The following RADX variants were observed in gnomAD, a reference collection of about 807,000 sequenced individuals.
RADX encodes the protein RPA1 related single stranded DNA binding protein, X-linked.
Under a neutral mutation model 61.6 loss-of-function variants are expected in RADX, and 36 were observed. That is an observed-to-expected ratio of 0.58 (90% CI 0.45 to 0.77). The LOEUF is 0.77. Ranked by LOEUF, RADX falls within the 30% of genes least tolerant of loss-of-function variation. The probability of loss-of-function intolerance (pLI) is 0.00; values close to 1 mark genes in which losing one functional copy is unlikely to be tolerated. For synonymous variants in RADX, 272 were observed against 237.9 expected, an observed-to-expected ratio of 1.14 and a Z score of -1.32; for missense variants, 497 against 651.1, an observed-to-expected ratio of 0.76 and a Z score of 2.58.
intron 4 of RADX, 41 bp from the exon 5 acceptor site, chrX:106,632,891 T>C: frequency 9.1e-7 from 1 of 1,094,510 alleles, no homozygotes; most frequent in Non-Finnish European, 1.3e-6. Flanking sequence ...TTTTTCACTG[T>C]TTAAAAATAA....
chrX:106,651,946 C>G (rs939505246), intron 11 of RADX, among the ~76,000 whole-genome samples: 2 of 110,022 alleles, frequency 1.8e-5, no homozygotes, highest in African/African-American at 6.6e-5. Context: ...CTTGGGGAGT[C>G]TGAGACAGGA....
rs150718567 is a variant in RADX at position 106,672,787 on chromosome X, T to C, written c.2437+3457T>C. The stretch of plus-strand genomic sequence containing the variant: ...AGGAGCCAGTGACTAGAGTCAAAAA[T>C]CTTAGACGTCTACCTGGTATTGTAT... On this transcript the variant is annotated intron_variant, in intron 13 of 13. Transcript: ENST00000372548. Among the ~76,000 whole-genome samples, 611 of 111,625 alleles carry C rather than the reference T, an allele frequency of 5.5e-3. 6 individuals are homozygous for C. The highest frequency in any genetic ancestry group is 0.018 in the African/African-American group (555 of 30,749).
chrX:106,654,063 T>G (rs1013668446), intron 11 of RADX, among the ~76,000 whole-genome samples: 1 of 111,607 alleles, frequency 9.0e-6, no homozygotes, highest in Non-Finnish European at 1.9e-5. Flanking sequence ...GTAATGGGAT[T>G]GCTGGGTCAA....
intron 12 of RADX, among the ~76,000 whole-genome samples, chrX:106,667,165 A>T (rs1928248514): frequency 9.0e-6 from 1 of 111,535 alleles, no homozygotes; most frequent in Admixed American, 9.5e-5. Context: ...TAAATAGCAG[A>T]GGTCTCCTGG....
intron 13 of RADX, among the ~76,000 whole-genome samples, chrX:106,676,283 T>A (rs767221976): frequency 1.8e-5 from 2 of 112,478 alleles, no homozygotes; most frequent in East Asian, 5.6e-4. Flanking sequence ...TTTTGATAAG[T>A]CTAGCAGAGA....
At chrX:106,665,843 GA>G (rs775372249) in intron 12 of RADX, among the ~76,000 whole-genome samples, 62 of 111,556 alleles carry the variant, frequency 5.6e-4, no homozygotes, top group Admixed American at 3.2e-3. Flanking sequence ...TGAAAACATT[GA>G]ATAGAATTAT....
chrX:106,666,934 A>C (rs951709973), intron 12 of RADX, among the ~76,000 whole-genome samples: 1 of 112,152 alleles, frequency 8.9e-6, no homozygotes, highest in African/African-American at 3.2e-5. Context: ...TTATTGAAAA[A>C]TTATAGGTAA....
chrX:106,657,518 T>C (rs2147635405), intron 11 of RADX, among the ~76,000 whole-genome samples: 1 of 112,535 alleles, frequency 8.9e-6, no homozygotes, highest in Admixed American at 9.4e-5. Context: ...CAGCCTATCT[T>C]GTTTTTTAAC....
rs1245225224 is a variant in RADX, at chrX:106,679,181, A to G, written c.*923A>G. On this transcript the variant is annotated 3_prime_UTR_variant, in exon 14 of 14. Coordinates refer to ENST00000372548, the MANE Select transcript of RADX (RefSeq NM_018015.6). ...AAATGACCATTAAATGAGTTTATAG[A>G]TTATTCTGTATCAAGATAAATCTGA... is the stretch of plus-strand genomic sequence containing the variant. 7.1e-5 allele frequency: 8 copies of G among 111,955 alleles called. No individual in the cohort carries two copies. The highest frequency in any genetic ancestry group is 3.8e-4 in the Admixed American group (4 of 10,524). The allele number at this position is 111,955 out of a possible 1,213,427, so 9.2% of individuals were successfully genotyped here. A position where few individuals can be genotyped will look rare whatever the true frequency, so the allele number is the denominator to read the frequency against.
chrX:106,647,260 A>G (rs1414552269), intron 10 of RADX, among the ~76,000 whole-genome samples: 1 of 110,972 alleles, frequency 9.0e-6, no homozygotes, highest in Non-Finnish European at 1.9e-5. Flanking sequence ...TTTATTGCCT[A>G]TCTTATTTCC....
intron 3 of RADX, among the ~76,000 whole-genome samples, chrX:106,631,701 C>CA (rs751122251): frequency 6.6e-3 from 158 of 23,926 alleles, no homozygotes; most frequent in East Asian, 0.029. Flanking sequence ...AAGGCCCTGT[C>CA]AAAAAAAAAA....
intron 13 of RADX, among the ~76,000 whole-genome samples, chrX:106,675,783 A>G (rs1189116111): frequency 8.9e-6 from 1 of 112,380 alleles, no homozygotes; most frequent in Non-Finnish European, 1.9e-5. Context: ...GGTAAAATCT[A>G]TAGTCCTTTT....
intron 11 of RADX, among the ~76,000 whole-genome samples, chrX:106,653,383 A>G (rs1927848416): frequency 9.1e-6 from 1 of 109,341 alleles, no homozygotes; most frequent in Admixed American, 9.6e-5. Context: ...CTTACACTAC[A>G]TGCATGAAGA....
At chrX:106,641,352 C>T (rs1341689519) in intron 10 of RADX, among the ~76,000 whole-genome samples, 2 of 110,539 alleles carry the variant, frequency 1.8e-5, no homozygotes, top group East Asian at 5.8e-4. Flanking sequence ...AAGTCTTATC[C>T]CATAGCACCA....
chrX:106,612,755 T>TA (rs773755744), intron 1 of RADX, 32 bp downstream of exon 1: 104 of 1,140,082 alleles, frequency 9.1e-5, no homozygotes, highest in African/African-American at 3.3e-4. Flanking sequence ...CAGAGGGTTT[T>TA]AAAAAAAATA....
rs758566020 is a variant in RADX at position 106,637,793 on chromosome X, A to C, written c.1442A>C (p.Lys481Thr). Residue 481 changes from lysine to threonine, a missense_variant, in exon 8 of 14, where the codon AAG becomes ACG. Physicochemically the swap from Lys to Thr is moderately conservative, Grantham distance 78 (BLOSUM62 -1). Coordinates refer to ENST00000372548, the MANE Select transcript of RADX (RefSeq NM_018015.6). ...GGCCAGCCGTATACGTATGATGCCA[A>C]GGTAAAAAACTTTATTCAATGGATT... Reference protein sequence around the residue: ...HRGQPYTYDAKVKNFIQWIRT... With the variant: ...HRGQPYTYDATVKNFIQWIRT... The C allele has an allele frequency of 2.4e-5, 29 of 1,207,247 alleles. No homozygotes were observed. In the South Asian group the frequency reaches 3.0e-4, roughly 13 times the overall value.
intron 11 of RADX, among the ~76,000 whole-genome samples, chrX:106,651,635 A>C (rs1299566459): frequency 8.9e-6 from 1 of 111,752 alleles, no homozygotes; most frequent in Non-Finnish European, 1.9e-5. Flanking sequence ...ATACTATTTA[A>C]GGTGAAATGG....
intron 2 of RADX, among the ~76,000 whole-genome samples, chrX:106,623,060 C>T (rs1926990936): frequency 9.0e-6 from 1 of 110,838 alleles, no homozygotes; most frequent in Non-Finnish European, 1.9e-5. Flanking sequence ...ACCTTTTCTT[C>T]TCACCTATGC....
chrX:106,674,623 C>G, intron 13 of RADX, among the ~76,000 whole-genome samples: 1 of 112,183 alleles, frequency 8.9e-6, no homozygotes, highest in East Asian at 2.8e-4. Flanking sequence ...AATATCTACT[C>G]AAATGCTTTG....
Sources: allele counts gnomAD v4.1 joint callset (sites outside exome capture counted in the v4.1 genomes callset), GRCh38; gene constraint gnomAD v4.1.1; transcripts MANE v1.5; gene names NCBI Gene and HGNC (gene_info 2026-07-23, HGNC 2026-07-21).